KDM6A: variants seen among roughly 807,000 people sequenced by gnomAD.
The protein encoded by KDM6A is lysine demethylase 6A.
In KDM6A, 11 loss-of-function variants were observed where a neutral mutation model predicts 117.6. That is an observed-to-expected ratio of 0.09 (90% confidence interval 0.06 to 0.15). KDM6A has a LOEUF of 0.15. Among genes scored for constraint, KDM6A ranks in the 10% least tolerant of loss-of-function variants. KDM6A has a pLI of 1.00. For missense variants in KDM6A, 799 were observed against 1,077.3 expected (o/e 0.74, Z 3.62); for synonymous variants, 384 against 396.1 (o/e 0.97, Z 0.36).
At chrX:44,931,934 T>A (rs1202257733) in intron 2 of KDM6A, among the ~76,000 whole-genome samples, 1 of 110,061 alleles carries the variant, frequency 9.1e-6, no homozygotes, top group Admixed American at 9.8e-5. Context: ...TGGTGTTCTT[T>A]TAGTTGGGGA....
At chrX:45,040,920 G>GC (rs2043129392) in intron 8 of KDM6A, among the ~76,000 whole-genome samples, 2 of 62,591 alleles carry the variant, frequency 3.2e-5, no homozygotes, top group Admixed American at 1.6e-4. Context: ...GGGCAGAGGG[G>GC]TCCTCACTTC....
chrX:45,001,545 A>C (rs1006244972), intron 4 of KDM6A, among the ~76,000 whole-genome samples: 1 of 111,342 alleles, frequency 9.0e-6, no homozygotes, highest in African/African-American at 3.3e-5. Flanking sequence ...GGACAGAGGT[A>C]CTTTTCTGAA....
chrX:45,098,636 G>T (rs1272077218), intron 27 of KDM6A, among the ~76,000 whole-genome samples: 1 of 112,555 alleles, frequency 8.9e-6, no homozygotes, highest in Non-Finnish European at 1.9e-5. Flanking sequence ...CTAGATGGAT[G>T]TATGGTTCTA....
At chrX:45,012,702 G>C (rs1315854813) in intron 5 of KDM6A, among the ~76,000 whole-genome samples, 1 of 111,427 alleles carries the variant, frequency 9.0e-6, no homozygotes, top group Non-Finnish European at 1.9e-5. Flanking sequence ...ATTTTATATG[G>C]TTTCCCTAAA....
intron 2 of KDM6A, among the ~76,000 whole-genome samples, chrX:44,934,697 G>C (rs753934804): frequency 9.0e-6 from 1 of 111,339 alleles, no homozygotes; most frequent in Admixed American, 9.6e-5. Flanking sequence ...ATTTAGAATG[G>C]CAACCCTCCA....
At chrX:45,075,842 A>C (rs1266846686) in intron 18 of KDM6A, among the ~76,000 whole-genome samples, 1 of 111,838 alleles carries the variant, frequency 8.9e-6, no homozygotes, top group African/African-American at 3.2e-5. Flanking sequence ...TATTACTTGA[A>C]ATTTAATATA....
chrX:45,095,446 C>G (rs2046063164), intron 27 of KDM6A, among the ~76,000 whole-genome samples: 1 of 110,948 alleles, frequency 9.0e-6, no homozygotes, highest in Non-Finnish European at 1.9e-5. Context: ...GGGGGATATG[C>G]CTGTTTAAGA....
At chrX:45,086,289 A>G in intron 25 of KDM6A, 1 of 240,112 alleles carries the variant, frequency 4.2e-6, no homozygotes, top group Non-Finnish European at 7.6e-6. Flanking sequence ...GTATTCCAAG[A>G]AAAATTGTTT....
rs370839985 is a variant in KDM6A at position 45,070,375 on chromosome X, C to T, written c.2858+18C>T. ...GCATGCAGGTTAGTGTGGGAAAGTTCATCAAAGTGAAAATGTTTGACTTAC... is the reference window on the plus strand; with the variant it reads ...GCATGCAGGTTAGTGTGGGAAAGTTTATCAAAGTGAAAATGTTTGACTTAC... On this transcript the variant is annotated intron_variant, in intron 18 of 29. Transcript: ENST00000611820. The T allele has an allele frequency of 8.4e-7, 1 of 1,194,985 alleles. No homozygotes were observed. Among genetic ancestry groups the T allele is most frequent in the Non-Finnish European group, 1.1e-6 (1 of 882,017 alleles).
chrX:45,060,321 G>A (rs896532321), intron 13 of KDM6A, among the ~76,000 whole-genome samples, 165 bp downstream of exon 13: 3 of 112,212 alleles, frequency 2.7e-5, no homozygotes, highest in African/African-American at 9.7e-5. Context: ...CCTCTAATAT[G>A]GGAAGAGATT....
At chrX:44,905,321 CTA>C (rs1406650128) in intron 2 of KDM6A, among the ~76,000 whole-genome samples, 1 of 111,931 alleles carries the variant, frequency 8.9e-6, no homozygotes, top group African/African-American at 3.3e-5. Context: ...TGTACCTTTT[CTA>C]TGTTTAGATA....
rs185877836 is a variant in KDM6A at position 44,883,522 on chromosome X, G to A, written c.225+9535G>A. On this transcript the variant is annotated intron_variant, in intron 2 of 29. Transcript: ENST00000611820. ...CGAATAGCTAGGATTACAAGCGTGC[G>A]CCACCATGCCTAGCTAATTTTTTTG... Among the ~76,000 whole-genome samples, 806 of 110,651 alleles carry A rather than the reference G, an allele frequency of 7.3e-3. 24 individuals carry two copies. The highest frequency in any genetic ancestry group is 0.068 in the Admixed American group (701 of 10,327).
intron 27 of KDM6A, among the ~76,000 whole-genome samples, chrX:45,091,671 A>G (rs367736939): frequency 8.9e-6 from 1 of 111,914 alleles, no homozygotes; most frequent in African/African-American, 3.2e-5. Flanking sequence ...TATTTCCCAA[A>G]CTTATTTGAC....
chrX:44,924,475 C>T (rs919544302), intron 2 of KDM6A, among the ~76,000 whole-genome samples: 1 of 112,170 alleles, frequency 8.9e-6, no homozygotes, highest in African/African-American at 3.2e-5. Context: ...GGGAATAGAG[C>T]AACCTTTAGT....
At chrX:44,900,512 T>A (rs2034268917) in intron 2 of KDM6A, among the ~76,000 whole-genome samples, 2 of 112,353 alleles carry the variant, frequency 1.8e-5, no homozygotes, top group South Asian at 7.3e-4. Flanking sequence ...TTATAGACTT[T>A]TTTTCTGAGA....
chrX:44,925,878 G>C (rs2036276543), intron 2 of KDM6A, among the ~76,000 whole-genome samples: 1 of 111,619 alleles, frequency 9.0e-6, no homozygotes, highest in African/African-American at 3.3e-5. Context: ...CATGTATTTA[G>C]GACATTTCAG....
intron 10 of KDM6A, among the ~76,000 whole-genome samples, chrX:45,054,867 C>T (rs1377365141): frequency 9.0e-6 from 1 of 111,528 alleles, no homozygotes; most frequent in Non-Finnish European, 1.9e-5. Context: ...ACTCTTGCCC[C>T]GGCCAAGGAC....
chrX:45,093,949 A>G (rs1439997925), intron 27 of KDM6A, among the ~76,000 whole-genome samples: 1 of 110,955 alleles, frequency 9.0e-6, no homozygotes, highest in Non-Finnish European at 1.9e-5. Context: ...ACGCTACAAA[A>G]TGTCTCATCA....
chrX:44,902,223 C>T (rs1358962423), intron 2 of KDM6A, among the ~76,000 whole-genome samples: 1 of 110,205 alleles, frequency 9.1e-6, no homozygotes, highest in East Asian at 2.9e-4. Context: ...AGTGAGACTC[C>T]ATCTCAAAAA....
Sources: allele counts gnomAD v4.1 joint callset (sites outside exome capture counted in the v4.1 genomes callset), GRCh38; gene constraint gnomAD v4.1.1; transcripts MANE v1.5; gene names NCBI Gene and HGNC (gene_info 2026-07-23, HGNC 2026-07-21).